BID: variants seen among roughly 807,000 people sequenced by gnomAD.
BID encodes BH3 interacting domain death agonist, also known as BH3-interacting domain death agonist.
A neutral mutation model predicts 17.4 loss-of-function variants in BID; 19 were observed. The observed-to-expected ratio is 1.09, with a 90% CI of 0.76 to 1.60. The LOEUF (loss-of-function observed/expected upper bound fraction) is 1.60. BID is among the 40% of genes most tolerant of loss of function. BID has a pLI of 0.00. For missense variants in BID, 226 were observed against 256.0 expected (o/e 0.88, Z 0.80); for synonymous variants, 108 against 102.8 (o/e 1.05, Z -0.31).
rs561347690 is a variant in BID at position 17,767,443 on chromosome 22, C to A, written c.-59+6938G>T. On this transcript the variant is annotated intron_variant, in intron 1 of 5. Transcript: ENST00000622694. ...CAAAGGCCTTTCTGAATTACAACTT[C>A]AGCCCCAGGGCAAGAGTAAACACAG... Among the ~76,000 whole-genome samples, 3 of 152,274 alleles carry A rather than the reference C, an allele frequency of 2.0e-5. No homozygotes were observed. In the South Asian group the frequency reaches 6.2e-4, roughly 32 times the overall value.
chr22:17,736,457 C>CA (rs10559377), intron 5 of BID, among the ~76,000 whole-genome samples: 2,261 of 136,408 alleles, frequency 0.017, 61 homozygotes, highest in African/African-American at 0.055. Context: ...AATTCTGTCT[C>CA]AAAAAAAAAA....
In BID at chr22:17,773,160, G is replaced by C. The variant is rs558930074; in HGVS notation, c.-59+1221C>G. ...TGGGCAAGAGGGGCAGAAGGGGCAG[G>C]GACGCACACCCTGGGCCGCAGGCAG... is the stretch of plus-strand genomic sequence containing the variant. On this transcript the variant is annotated intron_variant, in intron 1 of 5. Coordinates refer to ENST00000622694, the MANE Select transcript of BID (RefSeq NM_001196.4). This position sits in a 1 kb window ranked among gnomAD's most constrained non-coding sequence, Gnocchi z 4.4. 6.6e-6 allele frequency among the ~76,000 whole-genome samples: 1 copy of C among 152,228 alleles called. No individual in the cohort carries two copies. Among genetic ancestry groups the C allele is most frequent in the South Asian group, 2.1e-4 (1 of 4,824 alleles).
At chr22:17,756,480 C>CTTTCT (rs1569047899) in intron 1 of BID, among the ~76,000 whole-genome samples, 8 of 99,534 alleles carry the variant, frequency 8.0e-5, no homozygotes, top group Non-Finnish European at 9.6e-5. Context: ...TCTTTCTTTT[C>CTTTCT]TTTCTTTCTT....
In BID at chr22:17,735,392, T is replaced by C; in HGVS notation, c.*188A>G. 1.6e-6 allele frequency: 1 copy of C among 629,582 alleles called. No individual in the cohort carries two copies. Among genetic ancestry groups the C allele is most frequent in the Middle Eastern group, 3.6e-4 (1 of 2,814 alleles). 39.0% of individuals were successfully genotyped at this position (629,582 alleles called of 1,614,324 possible). On this transcript the variant is annotated 3_prime_UTR_variant, in exon 6 of 6. Transcript: ENST00000622694. ...GTAAATGGACATTTTCATTCAAGTATATTAATGTAGATATTTTAAAGTGGG... is the reference window on the plus strand; with the variant it reads ...GTAAATGGACATTTTCATTCAAGTACATTAATGTAGATATTTTAAAGTGGG...
intron 3 of BID, chr22:17,740,610 A>C (rs1284407391): frequency 5.7e-6 from 1 of 176,260 alleles, no homozygotes; most frequent in Non-Finnish European, 1.2e-5. Flanking sequence ...TTGTATTTTA[A>C]GTAGAGACGG....
At chr22:17,767,083 G>A (rs182090205) in intron 1 of BID, among the ~76,000 whole-genome samples, 1 of 151,752 alleles carries the variant, frequency 6.6e-6, no homozygotes, top group Admixed American at 6.6e-5. Context: ...AATTAGCTGG[G>A]CATGGTGGCA....
chr22:17,737,722 CTG>C (rs1420193006), intron 5 of BID, among the ~76,000 whole-genome samples: 1 of 152,220 alleles, frequency 6.6e-6, no homozygotes, highest in African/African-American at 2.4e-5. Flanking sequence ...TCCTTCCACT[CTG>C]TACCTGCTTG....
At chr22:17,770,325 C>T (rs979953294) in intron 1 of BID, among the ~76,000 whole-genome samples, 55 of 152,338 alleles carry the variant, frequency 3.6e-4, no homozygotes, top group African/African-American at 1.3e-3. Context: ...TAAAAGGGGA[C>T]ACTCCCTGCC....
intron 1 of BID, among the ~76,000 whole-genome samples, chr22:17,751,473 G>T (rs1258026422): frequency 3.3e-5 from 5 of 152,128 alleles, no homozygotes; most frequent in African/African-American, 1.2e-4. Flanking sequence ...GTGTGTGTGT[G>T]TGCGTGTGTG....
At chr22:17,770,605 T>C (rs968978488) in intron 1 of BID, among the ~76,000 whole-genome samples, 4 of 152,182 alleles carry the variant, frequency 2.6e-5, no homozygotes, top group Non-Finnish European at 4.4e-5. Context: ...ATAACAGAAA[T>C]AGAGCAACTA....
chr22:17,769,617 A>AT lies in BID; in HGVS notation c.-59+4763dup, dbSNP rs1418742271. On this transcript the variant is annotated intron_variant, in intron 1 of 5. Coordinates refer to ENST00000622694, the MANE Select transcript of BID (RefSeq NM_001196.4). The surrounding 1 kb of genome is among the most constrained non-coding windows in gnomAD (Gnocchi z 4.8). ...CAGCAAGGAAGTGCCTGCTGGAAGGATCCTGGGGACAGTTGTTAAGGCAAT... is the reference window on the plus strand; with the variant it reads ...CAGCAAGGAAGTGCCTGCTGGAAGGATTCCTGGGGACAGTTGTTAAGGCAAT... Among the ~76,000 whole-genome samples the AT allele has an allele frequency of 6.6e-6, 1 of 152,168 alleles. No homozygotes were observed. The highest frequency in any genetic ancestry group is 1.5e-5 in the Non-Finnish European group (1 of 68,032).
intron 1 of BID, among the ~76,000 whole-genome samples, chr22:17,752,089 C>A (rs2061543963): frequency 6.6e-6 from 1 of 152,178 alleles, no homozygotes; most frequent in African/African-American, 2.4e-5. Flanking sequence ...TGCCCACTGT[C>A]ACCTCTGAGC....
chr22:17,736,289 C>T (rs1022320402), intron 5 of BID, among the ~76,000 whole-genome samples: 1 of 151,948 alleles, frequency 6.6e-6, no homozygotes, highest in Non-Finnish European at 1.5e-5. Context: ...GAAACCTCAT[C>T]TCTACTAAAA....
chr22:17,749,900 G>T (rs1311629765), intron 2 of BID, among the ~76,000 whole-genome samples: 1 of 152,218 alleles, frequency 6.6e-6, no homozygotes, highest in Non-Finnish European at 1.5e-5. Flanking sequence ...GGAGTGCGAG[G>T]AAGGCGCAGG....
chr22:17,743,713 CG>C, intron 3 of BID, 89 bp downstream of exon 3: 2 of 1,361,972 alleles, frequency 1.5e-6, no homozygotes, highest in Non-Finnish European at 1.0e-6. Flanking sequence ...AGAGTGATCC[CG>C]GGGGTCCCTT....
intron 1 of BID, among the ~76,000 whole-genome samples, chr22:17,753,643 C>T (rs1325123956): frequency 2.6e-5 from 4 of 152,248 alleles, no homozygotes; most frequent in African/African-American, 9.6e-5. Context: ...AGAGGCTCCC[C>T]CGTCAATAGC....
chr22:17,736,229 G>A (rs1339951932), intron 5 of BID, among the ~76,000 whole-genome samples: 1 of 152,160 alleles, frequency 6.6e-6, no homozygotes, highest in Non-Finnish European at 1.5e-5. Context: ...GGGAGGCCGA[G>A]GTGGGCGGAT....
Position 17,738,230 on chromosome 22 carries a change from C to T in BID, c.364-1G>A. ...CAGTGGCCAGGTCCCTGTTCCGGTCCTGCACAGAGGGGCACACAGAACCTG... is the reference window on the plus strand; with the variant it reads ...CAGTGGCCAGGTCCCTGTTCCGGTCTTGCACAGAGGGGCACACAGAACCTG... On this transcript the variant is annotated splice_acceptor_variant, in intron 4 of 5. Transcript: ENST00000622694. LOFTEE classifies it high-confidence loss of function. 1 of 1,609,464 alleles carries T rather than the reference C, an allele frequency of 6.2e-7. No homozygotes were observed. The highest frequency in any genetic ancestry group is 8.5e-7 in the Non-Finnish European group (1 of 1,179,928).
chr22:17,766,090 A>C (rs1185530087), intron 1 of BID, among the ~76,000 whole-genome samples: 1 of 151,906 alleles, frequency 6.6e-6, no homozygotes, highest in Non-Finnish European at 1.5e-5. Context: ...ATGCCCGGCT[A>C]ATCTTTTATT....
Sources: allele counts gnomAD v4.1 joint callset (sites outside exome capture counted in the v4.1 genomes callset), GRCh38; gene constraint gnomAD v4.1.1; non-coding constraint Gnocchi (gnomAD v3.1); transcripts MANE v1.5; gene names NCBI Gene and HGNC (gene_info 2026-07-23, HGNC 2026-07-21).